Variants in PLEKHG7 observed in about 807,000 individuals in gnomAD.
PLEKHG7 encodes pleckstrin homology domain-containing family G member 7.
In PLEKHG7, 77 loss-of-function variants were observed where a neutral mutation model predicts 85.2. The observed-to-expected ratio is 0.90, with a 90% CI of 0.75 to 1.09. The LOEUF (loss-of-function observed/expected upper bound fraction) is 1.09. Among genes scored for constraint, PLEKHG7 ranks in the 50% least tolerant of loss-of-function variants. The pLI is 0.00. For synonymous variants in PLEKHG7, 301 were observed against 302.4 expected, an observed-to-expected ratio of 1.00 and a Z score of 0.05; for missense variants, 777 against 804.3, an observed-to-expected ratio of 0.97 and a Z score of 0.41.
rs1504907 is a variant in PLEKHG7, at chr12:92,761,759, G to A, written c.1644G>A (p.Thr548=). ...YEGKLTLAES[T]RFLDVYLFLF... ...TTCTCTTTTTTTCCTCAGAAAGCAC[G>A]AGATTCCTAGATGTTTATCTGTTTC... is the stretch of plus-strand genomic sequence containing the variant. Residue 548 remains threonine, a synonymous_variant, in exon 14 of 17, where the codon ACG becomes ACA. Transcript: ENST00000344636. 0.85 allele frequency: 1,311,722 copies of A among 1,549,672 alleles called. 557,309 individuals carry two copies. Among genetic ancestry groups the A allele is most frequent in the East Asian group, 0.96 (38,785 of 40,586 alleles).
intron 3 of PLEKHG7, among the ~76,000 whole-genome samples, chr12:92,716,933 C>T (rs1019137348): frequency 2.6e-5 from 4 of 152,188 alleles, no homozygotes; most frequent in African/African-American, 4.8e-5. Flanking sequence ...ATTACCGTTC[C>T]ACTTATCTAT....
In PLEKHG7 at chr12:92,771,795, C is replaced by T. The variant is rs1873441305; in HGVS notation, c.*1600C>T. On this transcript the variant is annotated 3_prime_UTR_variant, in exon 17 of 17. Coordinates refer to ENST00000344636, the MANE Select transcript of PLEKHG7 (RefSeq NM_001377329.1). ...GGTGGCCTCTCAAATTCCTTTAGTC[C>T]CATGAATCCAGCAACCACAGACTTA... The T allele has an allele frequency of 6.6e-6, 1 of 151,868 alleles. No homozygotes were observed. Among genetic ancestry groups the T allele is most frequent in the Admixed American group, 6.6e-5 (1 of 15,222 alleles). 9.4% of individuals were successfully genotyped at this position (151,868 alleles called of 1,614,324 possible).
chr12:92,749,945 TTATTTTATTTTA>T (rs1437404670), intron 10 of PLEKHG7, among the ~76,000 whole-genome samples: 268 of 97,178 alleles, frequency 2.8e-3, no homozygotes, highest in African/African-American at 6.5e-3. Context: ...ATTTTATATT[TTATTTTATTTTA>T]TATTTTATTT....
chr12:92,729,407 A>G (rs1317843514), intron 4 of PLEKHG7, among the ~76,000 whole-genome samples: 1 of 149,144 alleles, frequency 6.7e-6, no homozygotes, highest in Non-Finnish European at 1.5e-5. Context: ...GACCTGAGAC[A>G]GGTGCAGCAT....
intron 2 of PLEKHG7, chr12:92,707,394 G>A (rs1871267928): frequency 2.8e-6 from 4 of 1,428,330 alleles, no homozygotes; most frequent in Non-Finnish European, 2.7e-6. Flanking sequence ...ATGCACCAAG[G>A]CCAGGCTTAC....
intron 3 of PLEKHG7, among the ~76,000 whole-genome samples, chr12:92,728,757 TAGTC>T (rs1314063099): frequency 6.6e-6 from 1 of 152,064 alleles, no homozygotes; most frequent in African/African-American, 2.4e-5. Flanking sequence ...TTTGGGTAGA[TAGTC>T]AGTAGTGGGA....
intron 4 of PLEKHG7, 146 bp downstream of exon 4, chr12:92,729,266 C>A (rs1452572893): frequency 1.9e-6 from 2 of 1,043,814 alleles, no homozygotes; most frequent in Admixed American, 4.3e-5. Flanking sequence ...CAACGGGCAC[C>A]AGCTGTTACT....
chr12:92,719,171 T>C (rs1460997272), intron 3 of PLEKHG7, among the ~76,000 whole-genome samples: 1 of 152,082 alleles, frequency 6.6e-6, no homozygotes, highest in Non-Finnish European at 1.5e-5. Flanking sequence ...AATGGAAAAA[T>C]ATATCCCAGA....
At position 92,737,429 on chromosome 12, in the gene PLEKHG7, C is replaced by G; in HGVS notation, c.847C>G (p.Gln283Glu). 6.3e-7 allele frequency: 1 copy of G among 1,578,784 alleles called. No individual in the cohort carries two copies. Among genetic ancestry groups the G allele is most frequent in the Non-Finnish European group, 8.6e-7 (1 of 1,169,422 alleles). ...LETHHKLPTDQLDLKKQQEAV... is the reference protein window; with the variant it reads ...LETHHKLPTDELDLKKQQEAV... The stretch of plus-strand genomic sequence containing the variant: ...AACACATCACAAACTCCCGACCGAT[C>G]AATTAGACCTGAAAAAGCAGCAAGA... The change falls in exon 7 of 17, where the codon CAA becomes GAA. Residue 283 changes from glutamine (Q) to glutamate (E), a missense_variant. Transcript: ENST00000344636.
chr12:92,745,670 A>C, intron 10 of PLEKHG7, 79 bp downstream of exon 10: 1 of 910,676 alleles, frequency 1.1e-6, no homozygotes, highest in Non-Finnish European at 1.8e-6. Flanking sequence ...GATTATATCT[A>C]AATTAAATGG....
chr12:92,741,479 C>G lies in PLEKHG7; in HGVS notation c.1036-12C>G, dbSNP rs184550979. ...GTGTGCCTATTTTTGTTTTCTTTCT[C>G]TCTGTCCCTAGACAAGCCTTGGTTT... On this transcript the variant is annotated splice_polypyrimidine_tract_variant and intron_variant, in intron 8 of 16. Coordinates refer to ENST00000344636, the MANE Select transcript of PLEKHG7 (RefSeq NM_001377329.1). 1 of 1,593,920 alleles carries G rather than the reference C, an allele frequency of 6.3e-7. No individual in the cohort carries two copies. Among genetic ancestry groups the G allele is most frequent in the Non-Finnish European group, 8.6e-7 (1 of 1,169,396 alleles).
At chr12:92,734,569 C>G (rs1328204674) in intron 5 of PLEKHG7, among the ~76,000 whole-genome samples, 3 of 152,188 alleles carry the variant, frequency 2.0e-5, no homozygotes, top group Non-Finnish European at 2.9e-5. Flanking sequence ...AGCTATGGAG[C>G]ATGCAGCAGT....
chr12:92,758,138 A>G (rs557894520), intron 13 of PLEKHG7, among the ~76,000 whole-genome samples: 1 of 152,362 alleles, frequency 6.6e-6, no homozygotes. Context: ...GCAAAACATT[A>G]TCTGTGTTCC....
At chr12:92,757,092 C>A (rs904144346) in intron 13 of PLEKHG7, among the ~76,000 whole-genome samples, 2 of 152,222 alleles carry the variant, frequency 1.3e-5, no homozygotes, top group African/African-American at 4.8e-5. Flanking sequence ...TAGCAGAGTA[C>A]ATAGGAAGCC....
chr12:92,750,250 C>A (rs528706297), intron 10 of PLEKHG7, among the ~76,000 whole-genome samples: 5 of 152,008 alleles, frequency 3.3e-5, no homozygotes, highest in South Asian at 2.1e-4. Context: ...AATAAAAAGG[C>A]CTTTTATGTC....
At chr12:92,754,338 A>T in intron 11 of PLEKHG7, 74 bp downstream of exon 11, 1 of 1,426,164 alleles carries the variant, frequency 7.0e-7, no homozygotes, top group Non-Finnish European at 9.7e-7. Flanking sequence ...CTGGGCTTCC[A>T]TCCTAGGAGG....
chr12:92,723,123 T>C (rs1409913969), intron 3 of PLEKHG7, among the ~76,000 whole-genome samples: 4 of 152,214 alleles, frequency 2.6e-5, no homozygotes, highest in Non-Finnish European at 5.9e-5. Flanking sequence ...AGGCGTAAAG[T>C]GCACAGTGTG....
At chr12:92,756,465 G>A (rs1400257298) in intron 13 of PLEKHG7, 74 bp downstream of exon 13, 2 of 1,157,086 alleles carry the variant, frequency 1.7e-6, no homozygotes, top group Non-Finnish European at 2.6e-6. Flanking sequence ...AGTAATTGAA[G>A]AGCAGGAGGA....
intron 3 of PLEKHG7, among the ~76,000 whole-genome samples, chr12:92,711,345 G>C (rs1871364236): frequency 6.6e-6 from 1 of 152,150 alleles, no homozygotes; most frequent in Non-Finnish European, 1.5e-5. Flanking sequence ...GTGCAGACTG[G>C]GGGAGAGAAG....
Sources: gnomAD v4.1 joint callset for allele counts (sites outside exome capture counted in the v4.1 genomes callset) on GRCh38, gnomAD v4.1.1 for gene constraint, MANE v1.5 for transcripts, NCBI Gene and HGNC (gene_info 2026-07-23, HGNC 2026-07-21) for gene names.